The following RAD51B variants were observed in gnomAD, a reference collection of about 807,000 sequenced individuals.
RAD51B encodes RAD51 paralog B.
A neutral mutation model predicts 42.2 loss-of-function variants in RAD51B; 38 were observed. The ratio of observed to expected loss-of-function variants is 0.90; its 90% CI spans 0.70 to 1.18. RAD51B has a LOEUF of 1.18. Ranked by LOEUF, RAD51B falls within the 50% of genes most tolerant of loss-of-function variation. The pLI is 0.00. For synonymous variants in RAD51B, 154 were observed against 145.2 expected, an observed-to-expected ratio of 1.06 and a Z score of -0.43; for missense variants, 373 against 400.7, an observed-to-expected ratio of 0.93 and a Z score of 0.59.
intron 10 of RAD51B, among the ~76,000 whole-genome samples, chr14:68,564,640 A>C (rs1269506096): frequency 1.3e-5 from 2 of 152,176 alleles, no homozygotes; most frequent in Non-Finnish European, 2.9e-5. Flanking sequence ...AAACTCTGCT[A>C]TCTCCTCACA....
intron 11 of RAD51B, among the ~76,000 whole-genome samples, chr14:68,659,557 T>C (rs1892891621): frequency 6.6e-6 from 1 of 152,200 alleles, no homozygotes; most frequent in South Asian, 2.1e-4. Flanking sequence ...AAACAGGACC[T>C]TGGGAGGGTC....
rs1416499433 is a variant in RAD51B at position 68,042,295 on chromosome 14, G to A, written c.756+155091G>A. 4.6e-5 allele frequency among the ~76,000 whole-genome samples: 7 copies of A among 152,160 alleles called. No individual in the cohort carries two copies. In the East Asian group the frequency reaches 1.3e-3, roughly 29 times the overall value. ...ATCAGAGCTTGTTTTCTTGCTCACT[G>A]GTGGCCAGATACAGGTCATAATAGT... On this transcript the variant is annotated intron_variant, in intron 7 of 10. Coordinates refer to ENST00000471583, the MANE Select transcript of RAD51B (RefSeq NM_133510.4).
chr14:68,295,216 C>G (rs2081590660), intron 8 of RAD51B, among the ~76,000 whole-genome samples: 1 of 152,164 alleles, frequency 6.6e-6, no homozygotes, highest in South Asian at 2.1e-4. Flanking sequence ...TTCTTTGGCT[C>G]TCCCACCTGG....
intron 9 of RAD51B, among the ~76,000 whole-genome samples, chr14:68,462,868 A>G (rs780678568): frequency 6.6e-6 from 1 of 151,256 alleles, no homozygotes; most frequent in Non-Finnish European, 1.5e-5. Flanking sequence ...TACCACAAGG[A>G]GCCCCAGGCT....
chr14:68,440,333 C>T (rs1461481291), intron 9 of RAD51B, among the ~76,000 whole-genome samples: 2 of 152,192 alleles, frequency 1.3e-5, no homozygotes, highest in African/African-American at 2.4e-5. Context: ...TCAGAACAAA[C>T]TCTGTTGAGG....
intron 7 of RAD51B, among the ~76,000 whole-genome samples, chr14:68,145,211 T>C (rs1193066282): frequency 6.6e-6 from 1 of 152,214 alleles, no homozygotes; most frequent in Non-Finnish European, 1.5e-5. Context: ...TTCTGACCCA[T>C]TGTCTAGTGG....
intron 7 of RAD51B, among the ~76,000 whole-genome samples, chr14:67,920,276 G>T (rs1025332767): frequency 2.0e-5 from 3 of 151,778 alleles, no homozygotes; most frequent in Non-Finnish European, 4.4e-5. Context: ...TTTAATAATG[G>T]ATTTTTTTTC....
intron 10 of RAD51B, among the ~76,000 whole-genome samples, chr14:68,492,621 G>A (rs1042545529): frequency 1.5e-4 from 23 of 152,174 alleles, no homozygotes; most frequent in Admixed American, 1.2e-3. Flanking sequence ...TTGATGTCAG[G>A]TCCAAGGGCC....
chr14:67,823,033 T>C (rs773519686), intron 1 of RAD51B, among the ~76,000 whole-genome samples: 1 of 152,232 alleles, frequency 6.6e-6, no homozygotes, highest in Non-Finnish European at 1.5e-5. Context: ...ATTGAGAAGA[T>C]TAAATGTGAT....
At chr14:68,163,811 AG>A (rs2078695449) in intron 7 of RAD51B, among the ~76,000 whole-genome samples, 1 of 152,204 alleles carries the variant, frequency 6.6e-6, no homozygotes, top group East Asian at 1.9e-4. Flanking sequence ...CCTGGAAATA[AG>A]GCAGTTTCTG....
chr14:68,387,285 T>C (rs1201490271), intron 8 of RAD51B: 1 of 152,224 alleles, frequency 6.6e-6, no homozygotes, highest in Non-Finnish European at 1.5e-5. Flanking sequence ...CTGCATCTTA[T>C]TAAACTCCTG....
chr14:68,602,916 C>G (rs984489452), intron 10 of RAD51B, among the ~76,000 whole-genome samples: 2 of 152,170 alleles, frequency 1.3e-5, no homozygotes, highest in Admixed American at 6.5e-5. Context: ...CTTCCCTGCT[C>G]CAAAACCTAA....
At position 68,489,480 on chromosome 14, in the gene RAD51B, G is replaced by A. The variant is rs554527799; in HGVS notation, c.1036+21230G>A. Among the ~76,000 whole-genome samples, 8 of 152,330 alleles carry A rather than the reference G, an allele frequency of 5.3e-5. No homozygotes were observed. In the South Asian group the frequency reaches 1.7e-3, roughly 32 times the overall value. On this transcript the variant is annotated intron_variant, in intron 10 of 10. Coordinates refer to the RAD51B transcript ENST00000487270. ...GTAAGAAAGCAGTAACTGTGAGCTG[G>A]TATTATTAGCTAGTATCATGAAATC... is the stretch of plus-strand genomic sequence containing the variant.
chr14:68,440,725 A>C (rs2085265554), intron 9 of RAD51B, among the ~76,000 whole-genome samples: 1 of 151,726 alleles, frequency 6.6e-6, no homozygotes, highest in African/African-American at 2.4e-5. Flanking sequence ...CAGCCTGGGC[A>C]ACAAGAGCGA....
intron 8 of RAD51B, among the ~76,000 whole-genome samples, chr14:68,356,639 G>A (rs963332848): frequency 6.6e-6 from 1 of 152,066 alleles, no homozygotes; most frequent in Non-Finnish European, 1.5e-5. Context: ...GTTGCTGACT[G>A]TTCAGGGGGT....
chr14:67,926,560 T>C (rs2044514748), intron 7 of RAD51B, among the ~76,000 whole-genome samples: 1 of 111,966 alleles, frequency 8.9e-6, no homozygotes, highest in African/African-American at 5.7e-5. Context: ...TATGTTTCCT[T>C]TTTTTTTTTT....
chr14:68,027,641 T>G, intron 7 of RAD51B, among the ~76,000 whole-genome samples: 1 of 152,224 alleles, frequency 6.6e-6, no homozygotes, highest in East Asian at 1.9e-4. Flanking sequence ...ATACTTCCAA[T>G]TATTCCAATT....
intron 7 of RAD51B, among the ~76,000 whole-genome samples, chr14:68,120,900 T>G (rs564229366): frequency 1.3e-5 from 2 of 152,320 alleles, no homozygotes; most frequent in Non-Finnish European, 2.9e-5. Context: ...GGCTTACATT[T>G]ATTTCTGTTA....
At chr14:68,124,435 T>C (rs1407921261) in intron 7 of RAD51B, among the ~76,000 whole-genome samples, 1 of 152,224 alleles carries the variant, frequency 6.6e-6, no homozygotes, top group African/African-American at 2.4e-5. Flanking sequence ...CTGTACAATA[T>C]AGTGTGTTTT....
Sources: allele counts gnomAD v4.1 joint callset (sites outside exome capture counted in the v4.1 genomes callset), GRCh38; gene constraint gnomAD v4.1.1; transcripts MANE v1.5; gene names NCBI Gene and HGNC (gene_info 2026-07-23, HGNC 2026-07-21).